Variants in SYNPO observed in about 807,000 individuals in gnomAD.
SYNPO encodes synaptopodin.
In SYNPO, 19 loss-of-function variants were observed where a neutral mutation model predicts 49.5. The ratio of observed to expected loss-of-function variants is 0.38; its 90% CI spans 0.27 to 0.56. SYNPO has a LOEUF of 0.56. Ranked by LOEUF, SYNPO falls within the 20% of genes least tolerant of loss-of-function variation. The pLI is 0.68. For synonymous variants in SYNPO, 536 were observed against 548.0 expected, an observed-to-expected ratio of 0.98 and a Z score of 0.31; for missense variants, 1,131 against 1,248.3, an observed-to-expected ratio of 0.91 and a Z score of 1.42.
intron 2 of SYNPO, among the ~76,000 whole-genome samples, chr5:150,635,638 T>A (rs1407968407): frequency 1.3e-5 from 2 of 152,184 alleles, no homozygotes; most frequent in Non-Finnish European, 2.9e-5. Context: ...CTGGCAAATA[T>A]TTTTTGTAGA....
rs1464208939 is a variant in SYNPO, at chr5:150,656,552, C to A, written c.2177C>A (p.Pro726Gln). ...AGCCCCCCGCCGCTGCCGCCGCCAC[C>A]GCCCATGTCTCCCTCGTGGAGCGAG... ...MSSPPPLPPPPPMSPSWSERS... is the reference protein window; with the variant it reads ...MSSPPPLPPPQPMSPSWSERS... Residue 726 changes from proline (P) to glutamine (Q), a missense_variant, in exon 3 of 3, where the codon CCG (proline) becomes CAG (glutamine). Coordinates refer to ENST00000307662, the MANE Select transcript of SYNPO (RefSeq NM_007286.6). The A allele has an allele frequency of 1.4e-5, 22 of 1,528,190 alleles. No homozygotes were observed. Among genetic ancestry groups the A allele is most frequent in the Non-Finnish European group, 1.7e-5 (20 of 1,143,994 alleles). 94.7% of individuals were successfully genotyped at this position (1,528,190 alleles called of 1,614,324 possible).
intron 2 of SYNPO, chr5:150,624,830 G>A: frequency 1.0e-6 from 1 of 983,406 alleles, no homozygotes; most frequent in Non-Finnish European, 1.2e-6. Context: ...CCTCGGGGCG[G>A]GGCGCGCTGA....
At chr5:150,654,634 AC>A (rs1189283954) in intron 2 of SYNPO, among the ~76,000 whole-genome samples, 3 of 150,490 alleles carry the variant, frequency 2.0e-5, no homozygotes, top group Non-Finnish European at 4.4e-5. Flanking sequence ...CCAAAACCAC[AC>A]TCCCCTCCCC....
upstream of SYNPO, among the ~76,000 whole-genome samples, chr5:150,596,777 G>A (rs1023844007): frequency 2.0e-5 from 3 of 152,134 alleles, no homozygotes; most frequent in African/African-American, 7.2e-5. Context: ...CCCAGAAGAG[G>A]CTGCCATCTC....
chr5:150,650,816 G>C, intron 2 of SYNPO: 1 of 1,280,960 alleles, frequency 7.8e-7, no homozygotes, highest in Non-Finnish European at 9.9e-7. Flanking sequence ...AGCTCCTGGC[G>C]TCTTTCTTCC....
intron 2 of SYNPO, among the ~76,000 whole-genome samples, chr5:150,634,379 G>A (rs1757639743): frequency 6.6e-6 from 1 of 152,198 alleles, no homozygotes; most frequent in South Asian, 2.1e-4. Flanking sequence ...TCCCTCTACT[G>A]TTCAGTTGCC....
In SYNPO at chr5:150,649,085, G is replaced by A. The variant is rs371488666; in HGVS notation, c.810G>A (p.Pro270=). The A allele has an allele frequency of 2.4e-5, 39 of 1,613,778 alleles. No individual in the cohort carries two copies. Among genetic ancestry groups the A allele is most frequent in the South Asian group, 2.1e-4 (19 of 91,078 alleles). ...LERRHFGEKA[P]APQPPSLPDR... ...GACGACATTTTGGGGAGAAGGCCCC[G>A]GCTCCCCAGCCCCCCAGTTTGCCAG... The change falls in exon 2 of 3, where the codon CCG becomes CCA. Residue 270 remains proline (P), a synonymous_variant. Transcript: ENST00000307662.
chr5:150,656,505 AG>A lies in SYNPO; in HGVS notation c.2132del (p.Gly711ValfsTer6), dbSNP rs1260859790. ...GWVSPGPWEPGRGSSMSSPPP... is the reference protein window; with the variant it reads ...GWVSPGPWEPXRGSSMSSPPP... ...GGGTGAGCCCGGGCCCGTGGGAGCC[AG>A]GTCGCGGGAGCAGCATGAGCAGCCC... On this transcript the variant is annotated frameshift_variant, in exon 3 of 3. Transcript: ENST00000307662. LOFTEE classifies it high-confidence loss of function. The A allele has an allele frequency of 6.5e-7, 1 of 1,531,460 alleles. No individual in the cohort carries two copies. The highest frequency in any genetic ancestry group is 8.7e-7 in the Non-Finnish European group (1 of 1,145,324). The allele number at this position is 1,531,460 out of a possible 1,614,324, so 94.9% of individuals were successfully genotyped here. A position where few individuals can be genotyped will look rare whatever the true frequency, so the allele number is the denominator to read the frequency against.
rs59962087 is a variant in SYNPO at position 150,618,097 on chromosome 5, C to A, written c.-265-6C>A. 28,933 of 394,818 alleles carry A rather than the reference C, an allele frequency of 0.073. 3,378 individuals are homozygous for A. Among genetic ancestry groups the A allele is most frequent in the African/African-American group, 0.29 (13,876 of 48,550 alleles). The allele number at this position is 394,818 out of a possible 1,614,324, so 24.5% of individuals were successfully genotyped here. A position where few individuals can be genotyped will look rare whatever the true frequency, so the allele number is the denominator to read the frequency against. ...TGTGCTGTTTCTTTCTTCCCTATGC[C>A]GATAGATTGCCCCAAAGCGGCCTCA... On this transcript the variant is annotated splice_region_variant and splice_polypyrimidine_tract_variant and intron_variant, in intron 1 of 2. Transcript: ENST00000394243.
At chr5:150,632,849 C>T (rs891920257) in intron 2 of SYNPO, among the ~76,000 whole-genome samples, 2 of 152,174 alleles carry the variant, frequency 1.3e-5, no homozygotes, top group African/African-American at 2.4e-5. Context: ...AACAGGATTA[C>T]ATTCGGGACT....
chr5:150,626,854 A>G (rs1757373589), intron 2 of SYNPO, among the ~76,000 whole-genome samples: 2 of 152,140 alleles, frequency 1.3e-5, no homozygotes, highest in African/African-American at 2.4e-5. Context: ...CATCCTTAAT[A>G]GGTGAATGGC....
At chr5:150,639,714 G>A (rs1310499783), upstream of SYNPO, among the ~76,000 whole-genome samples, 2 of 152,228 alleles carry the variant, frequency 1.3e-5, no homozygotes, top group African/African-American at 4.8e-5. Context: ...CCTTGGCTTG[G>A]CAGCATCTGG....
the SYNPO span, among the ~76,000 whole-genome samples, chr5:150,593,965 G>A: frequency 6.6e-6 from 1 of 152,130 alleles, no homozygotes; most frequent in South Asian, 2.1e-4. Context: ...GCTTGGTTCT[G>A]GAATAATAAA....
upstream of SYNPO, chr5:150,600,987 T>C (rs954656246): frequency 3.9e-5 from 6 of 152,136 alleles, no homozygotes; most frequent in Non-Finnish European, 7.4e-5. Flanking sequence ...GGCTCTGTTA[T>C]TAAAGTTTCA....
chr5:150,616,862 C>G (rs1756995970), intron 1 of SYNPO, among the ~76,000 whole-genome samples: 1 of 152,082 alleles, frequency 6.6e-6, no homozygotes, highest in Non-Finnish European at 1.5e-5. Context: ...CAGAAAGCCT[C>G]CATTCCCTCT....
At chr5:150,635,873 T>C (rs1757699144), upstream of SYNPO, among the ~76,000 whole-genome samples, 1 of 152,228 alleles carries the variant, frequency 6.6e-6, no homozygotes, top group East Asian at 1.9e-4. Flanking sequence ...CTGCCTGCAC[T>C]GTTGCCTTAG....
chr5:150,656,748 C>A lies in SYNPO; in HGVS notation c.2373C>A (p.Pro791=), dbSNP rs1205320388. 6.1e-6 allele frequency: 7 copies of A among 1,149,932 alleles called. No homozygotes were observed. Among genetic ancestry groups the A allele is most frequent in the East Asian group, 9.5e-5 (2 of 21,014 alleles). The allele number at this position is 1,149,932 out of a possible 1,614,324, so 71.2% of individuals were successfully genotyped here. A position where few individuals can be genotyped will look rare whatever the true frequency, so the allele number is the denominator to read the frequency against. ...TCTCCCCGCCGAGGGCGCCACCGCC[C>A]CCGCCCCCGCCCCCGCCCCCGCCCC... ...RPFSPPRAPP[P]PPPPPPPPPR... Residue 791 remains proline, a synonymous_variant, in exon 3 of 3, where the codon CCC becomes CCA. Transcript: ENST00000307662.
intron 2 of SYNPO, among the ~76,000 whole-genome samples, chr5:150,632,306 C>T (rs1757567932): frequency 6.6e-6 from 1 of 152,196 alleles, no homozygotes; most frequent in East Asian, 1.9e-4. Flanking sequence ...TGACAACATT[C>T]CTGAGTAATT....
chr5:150,602,031 T>C (rs551956845), intron 1 of SYNPO, among the ~76,000 whole-genome samples: 4 of 152,160 alleles, frequency 2.6e-5, no homozygotes, highest in African/African-American at 9.7e-5. Flanking sequence ...ACAGCTTCCT[T>C]ATGGCCATCG....
Sources: allele counts gnomAD v4.1 joint callset (sites outside exome capture counted in the v4.1 genomes callset), GRCh38; gene constraint gnomAD v4.1.1; transcripts MANE v1.5; gene names NCBI Gene and HGNC (gene_info 2026-07-23, HGNC 2026-07-21).